Variants in UBAP1 observed in about 807,000 individuals in gnomAD.
UBAP1 encodes ubiquitin associated protein 1, also known as ubiquitin-associated protein 1.
UBAP1 carries 5 observed loss-of-function variants against 39.0 expected under a neutral mutation model. That is an observed-to-expected ratio of 0.13 (90% CI 0.07 to 0.27). UBAP1 has a LOEUF of 0.27. Among genes scored for constraint, UBAP1 ranks in the 10% least tolerant of loss-of-function variants. The pLI, the probability that UBAP1 is intolerant of heterozygous loss-of-function variation, is 1.00. For synonymous variants in UBAP1, 211 were observed against 225.1 expected (o/e 0.94, Z 0.56); for missense variants, 490 against 608.1 (o/e 0.81, Z 2.04).
At chr9:34,199,531 T>A (rs1831246559) in intron 1 of UBAP1, among the ~76,000 whole-genome samples, 1 of 152,178 alleles carries the variant, frequency 6.6e-6, no homozygotes, top group African/African-American at 2.4e-5. Context: ...TACATTACCA[T>A]GATACATTTG....
At chr9:34,182,611 CTTT>C in intron 1 of UBAP1, among the ~76,000 whole-genome samples, 2 of 146,486 alleles carry the variant, frequency 1.4e-5, no homozygotes, top group Non-Finnish European at 1.5e-5. Flanking sequence ...CTTTTTCTTT[CTTT>C]CCTTCTTTCT....
Position 34,242,014 on chromosome 9 carries a change from C to G in UBAP1, c.989C>G (p.Thr330Arg). 6.2e-7 allele frequency: 1 copy of G among 1,614,216 alleles called. No individual in the cohort carries two copies. The highest frequency in any genetic ancestry group is 8.5e-7 in the Non-Finnish European group (1 of 1,180,034). The stretch of plus-strand genomic sequence containing the variant: ...TCAGCTTTGAACTTGGACAGTGGCA[C>G]AGAGATGCCAGCCCTGACATCCTCC... ...GLSALNLDSG[T>R]EMPALTSSQM... The change falls in exon 4 of 7, where the codon ACA becomes AGA. Residue 330 changes from threonine to arginine, a missense_variant. Thr to Arg is a moderately conservative substitution (Grantham distance 71). This residue lies in a region of UBAP1 where 339 missense variants were observed against 390.0 expected (regional missense o/e 0.87). Transcript: ENST00000297661.
Position 34,202,170 on chromosome 9 carries a change from C to T in UBAP1, c.-7-18738C>T, listed in dbSNP as rs529364048. 2.2e-4 allele frequency among the ~76,000 whole-genome samples: 33 copies of T among 152,092 alleles called. No homozygotes were observed. The East Asian group carries it at 5.0e-3, about 23-fold the overall frequency. ...TCCCAGAGTACAGAGTGGGAGTCTCCGTCTTTTTCTTTTGAGACACGCTTT... is the reference window on the plus strand; with the variant it reads ...TCCCAGAGTACAGAGTGGGAGTCTCTGTCTTTTTCTTTTGAGACACGCTTT... On this transcript the variant is annotated intron_variant, in intron 1 of 6. Transcript: ENST00000297661.
At chr9:34,209,324 T>C (rs1831892221) in intron 1 of UBAP1, among the ~76,000 whole-genome samples, 2 of 152,200 alleles carry the variant, frequency 1.3e-5, no homozygotes, top group Non-Finnish European at 2.9e-5. Flanking sequence ...ACATGTTCTT[T>C]GGGTATTTTA....
chr9:34,200,971 G>T (rs1428296744), intron 1 of UBAP1, among the ~76,000 whole-genome samples: 1 of 152,022 alleles, frequency 6.6e-6, no homozygotes, highest in Admixed American at 6.5e-5. Context: ...GTGTGATGGC[G>T]TGATCTTGGC....
intron 1 of UBAP1, among the ~76,000 whole-genome samples, chr9:34,198,902 C>T (rs886391189): frequency 6.6e-6 from 1 of 152,154 alleles, no homozygotes; most frequent in Non-Finnish European, 1.5e-5. Context: ...GCCACTCTTA[C>T]CCGTCTAATG....
At position 34,208,581 on chromosome 9, in the gene UBAP1, T is replaced by C. The variant is rs905923279; in HGVS notation, c.-7-12327T>C. Among the ~76,000 whole-genome samples, 3 of 152,174 alleles carry C rather than the reference T, an allele frequency of 2.0e-5. No individual in the cohort carries two copies. The East Asian group carries it at 5.8e-4, about 30-fold the overall frequency. On this transcript the variant is annotated intron_variant, in intron 1 of 6. Transcript: ENST00000297661. Reference sequence around the variant, plus strand: ...TCATGAGGTCAGGAGATTGAGACCATCCTGGTTAACACAGTGAAATCCCGT... The same window carrying C: ...TCATGAGGTCAGGAGATTGAGACCACCCTGGTTAACACAGTGAAATCCCGT...
chr9:34,247,486 G>A (rs543745316), intron 4 of UBAP1, among the ~76,000 whole-genome samples: 7 of 151,340 alleles, frequency 4.6e-5, no homozygotes, highest in South Asian at 2.1e-4. Context: ...GTGCAGTGGC[G>A]CAATCTTGGC....
At chr9:34,189,943 T>C (rs1830623473) in intron 1 of UBAP1, among the ~76,000 whole-genome samples, 1 of 152,130 alleles carries the variant, frequency 6.6e-6, no homozygotes, top group Non-Finnish European at 1.5e-5. Context: ...GCCAGACATA[T>C]TTAATTCTTT....
chr9:34,247,906 T>C (rs1296182732), intron 4 of UBAP1, among the ~76,000 whole-genome samples: 1 of 152,246 alleles, frequency 6.6e-6, no homozygotes, highest in Non-Finnish European at 1.5e-5. Context: ...CAGACTAGTT[T>C]CCTAGAAATA....
At chr9:34,228,399 C>T (rs1833217306) in intron 2 of UBAP1, among the ~76,000 whole-genome samples, 1 of 135,762 alleles carries the variant, frequency 7.4e-6, no homozygotes, top group African/African-American at 2.8e-5. Flanking sequence ...GCCTGGGCGA[C>T]AGTGCGAGAC....
At chr9:34,195,929 T>G (rs1296819727) in intron 1 of UBAP1, among the ~76,000 whole-genome samples, 1 of 24,788 alleles carries the variant, frequency 4.0e-5, no homozygotes, top group African/African-American at 1.3e-4. Flanking sequence ...ATTTTTTGGT[T>G]TTTTTTTTTT....
At chr9:34,197,863 A>T (rs7032947) in intron 1 of UBAP1, among the ~76,000 whole-genome samples, 51,878 of 152,020 alleles carry the variant, frequency 0.34, 9,675 homozygotes, top group East Asian at 0.74. Context: ...TTGATTCTTA[A>T]TGATCTTTTT....
At chr9:34,221,656 C>T (rs530007115) in intron 2 of UBAP1, among the ~76,000 whole-genome samples, 1 of 152,032 alleles carries the variant, frequency 6.6e-6, no homozygotes, top group South Asian at 2.1e-4. Flanking sequence ...TAGTTTAGTT[C>T]CCTGTGCCCC....
chr9:34,208,140 G>A (rs4879760), intron 1 of UBAP1, among the ~76,000 whole-genome samples: 53,258 of 151,718 alleles, frequency 0.35, 10,036 homozygotes, highest in East Asian at 0.74. Context: ...TGTTAATGTT[G>A]GTGTTGGACT....
At chr9:34,241,015 C>T (rs753865136) in intron 3 of UBAP1, among the ~76,000 whole-genome samples, 170 bp from the exon 4 acceptor site, 3 of 152,160 alleles carry the variant, frequency 2.0e-5, no homozygotes, top group Middle Eastern at 6.3e-3. Context: ...TTAAATCTTA[C>T]AAGGACATTG....
chr9:34,216,670 T>TG (rs1832339754), intron 1 of UBAP1, among the ~76,000 whole-genome samples: 3 of 116,628 alleles, frequency 2.6e-5, no homozygotes, highest in Non-Finnish European at 3.8e-5. Context: ...TTTTTTTTTT[T>TG]GAGACTGGCT....
chr9:34,179,977 GTTAC>G (rs907063935), intron 1 of UBAP1, among the ~76,000 whole-genome samples: 1 of 152,072 alleles, frequency 6.6e-6, no homozygotes, highest in Middle Eastern at 3.2e-3. Flanking sequence ...AAAAAAAATT[GTTAC>G]TTTTAGTCAC....
At chr9:34,221,733 A>G (rs377729539) in intron 2 of UBAP1, among the ~76,000 whole-genome samples, 8 of 152,154 alleles carry the variant, frequency 5.3e-5, no homozygotes, top group African/African-American at 1.9e-4. Flanking sequence ...GATATTTATA[A>G]TTTTGAATTT....
Sources: allele counts gnomAD v4.1 joint callset (sites outside exome capture counted in the v4.1 genomes callset), GRCh38; gene constraint gnomAD v4.1.1; regional missense constraint gnomAD v4.1.1; transcripts MANE v1.5; gene names NCBI Gene and HGNC (gene_info 2026-07-23, HGNC 2026-07-21).